Variants in SPACA1 observed in about 807,000 individuals in gnomAD.
SPACA1 encodes the protein sperm acrosome membrane-associated protein 1.
A neutral mutation model predicts 32.6 loss-of-function variants in SPACA1; 17 were observed. The ratio of observed to expected loss-of-function variants is 0.52; its 90% CI spans 0.36 to 0.78. SPACA1 has a LOEUF of 0.78. SPACA1 is among the 30% of genes least tolerant of loss of function. The pLI, the probability that SPACA1 is intolerant of heterozygous loss-of-function variation, is 0.01. For synonymous variants in SPACA1, 140 were observed against 138.1 expected (o/e 1.01, Z -0.10); for missense variants, 363 against 373.4 (o/e 0.97, Z 0.23).
intron 1 of SPACA1, among the ~76,000 whole-genome samples, chr6:88,049,710 A>T (rs141957618): frequency 3.9e-5 from 6 of 152,232 alleles, no homozygotes; most frequent in Non-Finnish European, 7.3e-5. Context: ...GAATTTAAAC[A>T]TGGAAAAATT....
rs1324077 is a variant in SPACA1 at position 88,062,206 on chromosome 6, T to G, written c.611-1893T>G. ...CTTGAGTTTATAGCTCTAGAATTACTAGGCAAAATGGAAACTTATACTCCA... is the reference window on the plus strand; with the variant it reads ...CTTGAGTTTATAGCTCTAGAATTACGAGGCAAAATGGAAACTTATACTCCA... On this transcript the variant is annotated intron_variant, in intron 5 of 6. Transcript: ENST00000237201. 2.9e-3 allele frequency among the ~76,000 whole-genome samples: 441 copies of G among 152,336 alleles called. 1 individual carries two copies. Among genetic ancestry groups the G allele is most frequent in the South Asian group, 0.017 (82 of 4,830 alleles).
chr6:88,051,103 C>A (rs960122250), intron 1 of SPACA1, among the ~76,000 whole-genome samples: 1 of 151,312 alleles, frequency 6.6e-6, no homozygotes, highest in Non-Finnish European at 1.5e-5. Context: ...GCCGAGATTA[C>A]GCCACTGCAC....
At chr6:88,054,129 TAAC>T in intron 2 of SPACA1, 127 bp downstream of exon 2, 1 of 701,352 alleles carries the variant, frequency 1.4e-6, no homozygotes, top group East Asian at 2.7e-5. Context: ...TTATTTCTAA[TAAC>T]TATAATGTAT....
intron 1 of SPACA1, among the ~76,000 whole-genome samples, chr6:88,051,010 G>T (rs867560177): frequency 6.6e-6 from 1 of 152,102 alleles, no homozygotes; most frequent in African/African-American, 2.4e-5. Context: ...AGCCGGGCGT[G>T]GTTGCGTGTG....
At chr6:88,047,665 G>A (rs1420028564), upstream of SPACA1, 4 of 501,888 alleles carry the variant, frequency 8.0e-6, no homozygotes, top group Non-Finnish European at 1.4e-5. Flanking sequence ...TCCTCTCCTA[G>A]GGACTTGTCG....
chr6:88,047,848 C>T lies in SPACA1; in HGVS notation c.-58C>T, dbSNP rs1445854706. 6.9e-7 allele frequency: 1 copy of T among 1,452,812 alleles called. No homozygotes were observed. The highest frequency in any genetic ancestry group is 2.5e-5 in the East Asian group (1 of 39,892). 90.0% of individuals were successfully genotyped at this position (1,452,812 alleles called of 1,614,324 possible). On this transcript the variant is annotated 5_prime_UTR_variant, in exon 1 of 7. Transcript: ENST00000237201. ...GGTGTCGCAGCTCTCTTCGACGTACCTGTCCTCAGGAGCCGCGGCGGCGAC... is the reference window on the plus strand; with the variant it reads ...GGTGTCGCAGCTCTCTTCGACGTACTTGTCCTCAGGAGCCGCGGCGGCGAC...
chr6:88,057,714 G>A lies in SPACA1; in HGVS notation c.367+1G>A, dbSNP rs910636662. 6.2e-7 allele frequency: 1 copy of A among 1,612,782 alleles called. No homozygotes were observed. Among genetic ancestry groups the A allele is most frequent in the Non-Finnish European group, 8.5e-7 (1 of 1,178,942 alleles). On this transcript the variant is annotated splice_donor_variant, in intron 3 of 6. Transcript: ENST00000237201. LOFTEE classifies it high-confidence loss of function. ...TGCCGTGGACCAACAGATTGTGGCT[G>A]TGAGTTGAATTATGTATTGGAGGGA...
chr6:88,058,289 A>T (rs1009857773), intron 3 of SPACA1, among the ~76,000 whole-genome samples: 1 of 152,072 alleles, frequency 6.6e-6, no homozygotes, highest in Non-Finnish European at 1.5e-5. Context: ...GTTCCTCTAC[A>T]CTCAAACTCC....
upstream of SPACA1, chr6:88,047,821 G>A (rs1239815113): frequency 2.4e-5 from 32 of 1,308,116 alleles, no homozygotes. Context: ...GGCTACGGGC[G>A]GGGTGTCGCA....
chr6:88,055,938 C>G lies in SPACA1; in HGVS notation c.266-1674C>G, dbSNP rs552598728. ...TGAACTGAGATGGCACCACTGCACTCCAGCCTGGCGACAAAGCGAGACTCC... is the reference window on the plus strand; with the variant it reads ...TGAACTGAGATGGCACCACTGCACTGCAGCCTGGCGACAAAGCGAGACTCC... On this transcript the variant is annotated intron_variant, in intron 2 of 6. Transcript: ENST00000237201. 3.9e-5 allele frequency among the ~76,000 whole-genome samples: 6 copies of G among 151,982 alleles called. No homozygotes were observed. In the East Asian group the frequency reaches 1.2e-3, roughly 29 times the overall value.
At chr6:88,065,938 A>G (rs1039168241) in intron 6 of SPACA1, among the ~76,000 whole-genome samples, 5 of 151,894 alleles carry the variant, frequency 3.3e-5, no homozygotes, top group Non-Finnish European at 7.4e-5. Flanking sequence ...TTCCTTTATA[A>G]TATACCTGTA....
At chr6:88,052,513 T>C (rs1361682196) in intron 1 of SPACA1, among the ~76,000 whole-genome samples, 1 of 152,226 alleles carries the variant, frequency 6.6e-6, no homozygotes, top group Non-Finnish European at 1.5e-5. Context: ...GATTTACTTA[T>C]GTGCATTGGG....
intron 4 of SPACA1, 109 bp from the exon 5 acceptor site, chr6:88,059,344 C>G: frequency 2.1e-6 from 2 of 965,548 alleles, no homozygotes; most frequent in Non-Finnish European, 3.0e-6. Flanking sequence ...AATTACTCAA[C>G]TAGGCTAAGA....
intron 6 of SPACA1, 94 bp from the exon 7 acceptor site, chr6:88,066,086 CAT>C (rs925570954): frequency 4.1e-4 from 371 of 901,282 alleles, no homozygotes; most frequent in Admixed American, 4.4e-4. Context: ...CACACACACA[CAT>C]ATATATATAT....
chr6:88,055,812 T>C (rs1320265290), intron 2 of SPACA1, among the ~76,000 whole-genome samples: 1 of 151,790 alleles, frequency 6.6e-6, no homozygotes, highest in Non-Finnish European at 1.5e-5. Context: ...CTACTAAAAA[T>C]ACAGAAAAAT....
At chr6:88,051,840 G>T (rs1307019598) in intron 1 of SPACA1, among the ~76,000 whole-genome samples, 1 of 152,120 alleles carries the variant, frequency 6.6e-6, no homozygotes, top group Admixed American at 6.5e-5. Context: ...TTCTAGCTTT[G>T]CAGAATTCTG....
intron 2 of SPACA1, 143 bp downstream of exon 2, chr6:88,054,145 A>G: frequency 1.7e-6 from 1 of 574,362 alleles, no homozygotes; most frequent in Middle Eastern, 2.7e-4. Flanking sequence ...TAATGTATAC[A>G]CAAAACTCAG....
chr6:88,048,181 G>A, intron 1 of SPACA1, 68 bp downstream of exon 1: 1 of 1,442,444 alleles, frequency 6.9e-7, no homozygotes, highest in Non-Finnish European at 9.4e-7. Flanking sequence ...CCTGCTCTTT[G>A]CCTGAGAACC....
rs1775761339 is a variant in SPACA1 at position 88,053,504 on chromosome 6, T to C, written c.209-442T>C. 3.3e-5 allele frequency among the ~76,000 whole-genome samples: 5 copies of C among 152,236 alleles called. No homozygotes were observed. The South Asian group carries it at 1.0e-3, about 32-fold the overall frequency. ...CTGGGAAATGAGTAGAACTAATCTA[T>C]AACTTTTATCATTTTAATGAACACT... On this transcript the variant is annotated intron_variant, in intron 1 of 6. Transcript: ENST00000237201.
Sources: gnomAD v4.1 joint callset for allele counts (sites outside exome capture counted in the v4.1 genomes callset) on GRCh38, gnomAD v4.1.1 for gene constraint, MANE v1.5 for transcripts, NCBI Gene and HGNC (gene_info 2026-07-23, HGNC 2026-07-21) for gene names.